Variants in RIMS2 observed in about 807,000 individuals in gnomAD.
RIMS2 encodes regulating synaptic membrane exocytosis 2, also known as regulating synaptic membrane exocytosis protein 2.
A neutral mutation model predicts 174.4 loss-of-function variants in RIMS2; 59 were observed. That is an observed-to-expected ratio of 0.34 (90% CI 0.27 to 0.42). RIMS2 has a LOEUF of 0.42. RIMS2 is among the 10% of genes least tolerant of loss of function. The probability of loss-of-function intolerance (pLI) is 1.00; values close to 1 mark genes in which losing one functional copy is unlikely to be tolerated. For synonymous variants in RIMS2, 606 were observed against 572.5 expected (o/e 1.06, Z -0.84); for missense variants, 1,620 against 1,666.3 (o/e 0.97, Z 0.48).
At chr8:103,582,135 C>G (rs1319958030) in intron 1 of RIMS2, among the ~76,000 whole-genome samples, 2 of 152,122 alleles carry the variant, frequency 1.3e-5, no homozygotes, top group African/African-American at 2.4e-5. Flanking sequence ...TGCGAGGTCC[C>G]TGTTCCAGGC....
intron 19 of RIMS2, among the ~76,000 whole-genome samples, chr8:104,101,209 T>C (rs1343055910): frequency 2.7e-5 from 4 of 150,662 alleles, no homozygotes; most frequent in Admixed American, 2.0e-4. Context: ...TCGCTGCAAC[T>C]TCCGTCACCC....
At chr8:104,052,744 C>T (rs1333733127) in intron 19 of RIMS2, among the ~76,000 whole-genome samples, 1 of 151,980 alleles carries the variant, frequency 6.6e-6, no homozygotes, top group Non-Finnish European at 1.5e-5. Flanking sequence ...TAGGAGACAA[C>T]TGGAAATGTG....
At position 104,148,169 on chromosome 8, in the gene RIMS2, CTT is replaced by C. The variant is rs60928884; in HGVS notation, c.3335-96729_3335-96728del. On this transcript the variant is annotated intron_variant, in intron 19 of 23. Transcript: ENST00000504942. ...TTGAAATGGATATTATATTATCAGC[CTT>C]TTTTTTTTTTTTTTTTTGGTAAAAT... Among the ~76,000 whole-genome samples, 248 of 116,322 alleles carry C rather than the reference CTT, an allele frequency of 2.1e-3. 1 individual carries two copies. The highest frequency in any genetic ancestry group is 7.3e-3 in the African/African-American group (225 of 30,852). The allele number at this position is 116,322 out of a possible 152,430, so 76.3% of individuals were successfully genotyped here.
At chr8:104,040,283 G>T (rs1014040081) in intron 19 of RIMS2, among the ~76,000 whole-genome samples, 1 of 151,608 alleles carries the variant, frequency 6.6e-6, no homozygotes, top group Admixed American at 6.6e-5. Context: ...TTTAGAATTT[G>T]TAGTATCTGA....
chr8:104,249,737 T>C, intron 22 of RIMS2, 149 bp downstream of exon 28: 1 of 583,046 alleles, frequency 1.7e-6, no homozygotes, highest in Non-Finnish European at 3.1e-6. Context: ...GAGTCATTTG[T>C]GTGTTTATCC....
chr8:103,586,783 G>C (rs560573193), intron 1 of RIMS2, among the ~76,000 whole-genome samples: 1 of 151,766 alleles, frequency 6.6e-6, no homozygotes, highest in Non-Finnish European at 1.5e-5. Context: ...CAACACAAAA[G>C]ATCAGTGAAA....
At chr8:103,590,864 T>C (rs2094218216) in intron 1 of RIMS2, among the ~76,000 whole-genome samples, 1 of 151,160 alleles carries the variant, frequency 6.6e-6, no homozygotes, top group Admixed American at 6.6e-5. Context: ...TGTTGAAGTG[T>C]TTTTGTAGAC....
At chr8:104,225,070 GTAAAT>G (rs1299450273) in intron 19 of RIMS2, among the ~76,000 whole-genome samples, 2 of 152,200 alleles carry the variant, frequency 1.3e-5, no homozygotes, top group African/African-American at 4.8e-5. Flanking sequence ...AAGTCGAGAA[GTAAAT>G]TAAATTGAGT....
chr8:103,533,160 A>G (rs1490997199), intron 1 of RIMS2, among the ~76,000 whole-genome samples: 9 of 152,252 alleles, frequency 5.9e-5, no homozygotes, highest in Non-Finnish European at 1.2e-4. Flanking sequence ...TTGTTAGCCA[A>G]GCAAATAAAT....
chr8:103,701,642 T>A (rs2097169051), intron 2 of RIMS2, among the ~76,000 whole-genome samples: 1 of 150,550 alleles, frequency 6.6e-6, no homozygotes, highest in South Asian at 2.1e-4. Flanking sequence ...TGAGATCAAA[T>A]TTTTTTTTTA....
intron 2 of RIMS2, among the ~76,000 whole-genome samples, chr8:103,752,343 G>C (rs1490664365): frequency 6.6e-6 from 1 of 152,088 alleles, no homozygotes; most frequent in Non-Finnish European, 1.5e-5. Flanking sequence ...ATGCTGTTTT[G>C]GTTACTGTAG....
At chr8:104,088,161 A>T (rs1394906201) in intron 19 of RIMS2, among the ~76,000 whole-genome samples, 2 of 152,052 alleles carry the variant, frequency 1.3e-5, no homozygotes, top group East Asian at 3.8e-4. Context: ...TCAGGCACTG[A>T]TAAGAGCCTT....
intron 14 of RIMS2, among the ~76,000 whole-genome samples, chr8:103,949,255 T>A (rs1402552674): frequency 1.3e-5 from 2 of 151,634 alleles, no homozygotes; most frequent in African/African-American, 4.9e-5. Flanking sequence ...CAGTAAGAGA[T>A]TTTAGTACTC....
At chr8:103,995,729 A>G (rs181469814) in intron 17 of RIMS2, among the ~76,000 whole-genome samples, 1 of 152,168 alleles carries the variant, frequency 6.6e-6, no homozygotes, top group Non-Finnish European at 1.5e-5. Context: ...AAAGCATAAT[A>G]TGCAAATAAA....
At chr8:103,507,950 G>GA (rs1265591133) in intron 1 of RIMS2, among the ~76,000 whole-genome samples, 1 of 152,006 alleles carries the variant, frequency 6.6e-6, no homozygotes, top group Non-Finnish European at 1.5e-5. Flanking sequence ...AAAGTGTCAT[G>GA]AAAAAATACT....
intron 1 of RIMS2, among the ~76,000 whole-genome samples, chr8:103,543,949 T>C (rs1294118827): frequency 1.3e-5 from 2 of 152,010 alleles, no homozygotes; most frequent in Non-Finnish European, 2.9e-5. Context: ...TTAGATATGA[T>C]CCCAACAGCA....
rs565007325 is a variant in RIMS2, at chr8:103,527,703, C to T, written c.176+26641C>T. ...ATGGTTTCCAGTTTCATCCATGTCCCTACAAAGGACATGAACTCATCCTTT... is the reference window on the plus strand; with the variant it reads ...ATGGTTTCCAGTTTCATCCATGTCCTTACAAAGGACATGAACTCATCCTTT... On this transcript the variant is annotated intron_variant, in intron 1 of 23. Transcript: ENST00000504942. Among the ~76,000 whole-genome samples, 10 of 152,228 alleles carry T rather than the reference C, an allele frequency of 6.6e-5. 1 individual carries two copies. The South Asian group carries it at 1.9e-3, about 28-fold the overall frequency.
intron 10 of RIMS2, chr8:103,922,733 GT>G: frequency 9.5e-5 from 28 of 295,966 alleles, no homozygotes; most frequent in Middle Eastern, 6.7e-4. Context: ...TTCTCCTTTG[GT>G]TTTTTTTGGG....
intron 1 of RIMS2, among the ~76,000 whole-genome samples, chr8:103,642,803 G>A (rs1229053961): frequency 6.6e-6 from 1 of 151,662 alleles, no homozygotes; most frequent in Non-Finnish European, 1.5e-5. Context: ...CTGTTTCTCT[G>A]TAGATAAGGT....
Sources: gnomAD v4.1 joint callset for allele counts (sites outside exome capture counted in the v4.1 genomes callset) on GRCh38, gnomAD v4.1.1 for gene constraint, MANE v1.5 for transcripts, NCBI Gene and HGNC (gene_info 2026-07-23, HGNC 2026-07-21) for gene names.